DHRSX: variants seen among roughly 807,000 people sequenced by gnomAD.
The protein encoded by DHRSX is dehydrogenase/reductase X-linked.
In DHRSX, 31 loss-of-function variants were observed where a neutral mutation model predicts 34.0. That is an observed-to-expected ratio of 0.91 (90% CI 0.69 to 1.23). The LOEUF is 1.23. Among genes scored for constraint, DHRSX ranks in the 50% most tolerant of loss-of-function variants. The pLI, the probability that DHRSX is intolerant of heterozygous loss-of-function variation, is 0.00. For missense variants in DHRSX, 414 were observed against 428.1 expected (o/e 0.97, Z 0.29); for synonymous variants, 201 against 183.8 (o/e 1.09, Z -0.76).
intron 1 of DHRSX, among the ~76,000 whole-genome samples, chrX:2,496,587 C>A (rs2045290822): frequency 6.6e-6 from 1 of 152,128 alleles, no homozygotes; most frequent in Admixed American, 6.6e-5. Context: ...CACTAAAAAA[C>A]TTACTCATGG....
At chrX:2,361,046 T>C (rs1223102106) in intron 3 of DHRSX, among the ~76,000 whole-genome samples, 1 of 152,190 alleles carries the variant, frequency 6.6e-6, no homozygotes, top group African/African-American at 2.4e-5. Context: ...ACTGGCTGGC[T>C]GGAGCGTTGG....
intron 1 of DHRSX, among the ~76,000 whole-genome samples, chrX:2,457,969 G>C (rs1293991146): frequency 6.6e-6 from 1 of 151,592 alleles, no homozygotes; most frequent in African/African-American, 2.4e-5. Context: ...CTAAGCTTGT[G>C]GCTAAGGGAC....
At chrX:2,326,484 C>T (rs1439165558) in intron 3 of DHRSX, among the ~76,000 whole-genome samples, 1 of 152,130 alleles carries the variant, frequency 6.6e-6, no homozygotes, top group African/African-American at 2.4e-5. Context: ...GATCGCACCA[C>T]TGCACTCCAG....
intron 2 of DHRSX, among the ~76,000 whole-genome samples, chrX:2,411,864 C>T (rs2043634905): frequency 6.6e-6 from 1 of 152,106 alleles, no homozygotes; most frequent in Non-Finnish European, 1.5e-5. Flanking sequence ...TCAAAAAAAG[C>T]CAGGTGAAGT....
intron 3 of DHRSX, among the ~76,000 whole-genome samples, chrX:2,392,064 G>A (rs2043341460): frequency 6.6e-6 from 1 of 152,202 alleles, no homozygotes; most frequent in South Asian, 2.1e-4. Context: ...GGAAGGAGGA[G>A]GGAAAACGCT....
chrX:2,243,115 C>G lies in DHRSX; in HGVS notation c.712G>C (p.Val238Leu). The G allele has an allele frequency of 1.2e-6, 2 of 1,613,930 alleles. No homozygotes were observed. The highest frequency in any genetic ancestry group is 1.7e-6 in the Non-Finnish European group (2 of 1,179,864). Residue 238 changes from valine (V) to leucine (L), a missense_variant, in exon 6 of 7, where the codon GTG (valine) becomes CTG (leucine). Physicochemically the swap from Val to Leu is conservative, Grantham distance 32. Coordinates refer to ENST00000334651, the MANE Select transcript of DHRSX (RefSeq NM_145177.3). ...TCCGTGTTGACCACCCCGGGGTCCA[C>G]CACGTTGGCGGTCACGTGGCTTCCC... Reference protein sequence around the residue: ...AEGSHVTANVVDPGVVNTDVY... With the variant: ...AEGSHVTANVLDPGVVNTDVY...
At chrX:2,431,186 G>T (rs182282030) in intron 1 of DHRSX, among the ~76,000 whole-genome samples, 1 of 151,882 alleles carries the variant, frequency 6.6e-6, no homozygotes, top group African/African-American at 2.4e-5. Context: ...TTAGCCTGGC[G>T]TGGTGGCGGG....
chrX:2,459,323 AG>A (rs201552502), intron 1 of DHRSX, among the ~76,000 whole-genome samples: 4,317 of 152,100 alleles, frequency 0.028, 95 homozygotes, highest in Admixed American at 0.054. Flanking sequence ...GGTTAGAGTT[AG>A]GGTTATCTGA....
Position 2,338,667 on chromosome X carries a change from A to G in DHRSX, c.287-47064T>C, listed in dbSNP as rs773226519. Among the ~76,000 whole-genome samples the G allele has an allele frequency of 1.1e-4, 16 of 152,122 alleles. No homozygotes were observed. The East Asian group carries it at 2.7e-3, about 26-fold the overall frequency. ...GTCTCTTCGTGTGGTCTCTGTACACATACCAGCTCCCCTTCCCGTTCCACC... is the reference window on the plus strand; with the variant it reads ...GTCTCTTCGTGTGGTCTCTGTACACGTACCAGCTCCCCTTCCCGTTCCACC... On this transcript the variant is annotated intron_variant, in intron 3 of 6. Transcript: ENST00000334651.
At chrX:2,330,188 GC>G (rs1169972708) in intron 3 of DHRSX, among the ~76,000 whole-genome samples, 2 of 146,446 alleles carry the variant, frequency 1.4e-5, no homozygotes, top group Admixed American at 7.0e-5. Flanking sequence ...AGGAGGAGAA[GC>G]AGGAGGAGGG....
chrX:2,349,247 C>A (rs775911849), intron 3 of DHRSX, among the ~76,000 whole-genome samples: 1 of 152,008 alleles, frequency 6.6e-6, no homozygotes, highest in African/African-American at 2.4e-5. Context: ...GGAATGAACC[C>A]AAGCGTTCAA....
intron 6 of DHRSX, among the ~76,000 whole-genome samples, chrX:2,223,460 T>C (rs1282669035): frequency 2.0e-5 from 3 of 152,096 alleles, no homozygotes; most frequent in Non-Finnish European, 4.4e-5. Flanking sequence ...AACAGACTAA[T>C]AGAGAGACTG....
chrX:2,300,344 A>T (rs943394152), intron 3 of DHRSX, among the ~76,000 whole-genome samples: 10 of 152,166 alleles, frequency 6.6e-5, no homozygotes, highest in Non-Finnish European at 1.3e-4. Context: ...GTCCAGTAGG[A>T]CTGGTGTCCT....
chrX:2,346,576 T>G (rs2042715293), intron 3 of DHRSX, among the ~76,000 whole-genome samples: 1 of 152,012 alleles, frequency 6.6e-6, no homozygotes, highest in African/African-American at 2.4e-5. Flanking sequence ...CAAATCTAAG[T>G]AAACTACAAG....
chrX:2,349,247 C>G (rs775911849), intron 3 of DHRSX, among the ~76,000 whole-genome samples: 10 of 152,128 alleles, frequency 6.6e-5, no homozygotes, highest in Admixed American at 5.2e-4. Context: ...GGAATGAACC[C>G]AAGCGTTCAA....
In DHRSX at chrX:2,223,856, C is replaced by A. The variant is rs145751977; in HGVS notation, c.805-2627G>T. 3.2e-4 allele frequency among the ~76,000 whole-genome samples: 48 copies of A among 152,228 alleles called. 2 individuals carry two copies. In the East Asian group the frequency reaches 9.3e-3, roughly 29 times the overall value. On this transcript the variant is annotated intron_variant, in intron 6 of 6. Coordinates refer to ENST00000334651, the MANE Select transcript of DHRSX (RefSeq NM_145177.3). ...AATACGGAGTCTTTCTGGGGCCCAG[C>A]CCACTTCCATATAAAAGGCAGGGAC... is the stretch of plus-strand genomic sequence containing the variant.
At chrX:2,391,101 A>ACTG (rs1390588340) in intron 3 of DHRSX, among the ~76,000 whole-genome samples, 1 of 152,222 alleles carries the variant, frequency 6.6e-6, no homozygotes, top group African/African-American at 2.4e-5. Flanking sequence ...TGTAAGTAAT[A>ACTG]CTGCTGCTGC....
At chrX:2,396,046 G>C (rs756625367) in intron 3 of DHRSX, among the ~76,000 whole-genome samples, 1 of 152,104 alleles carries the variant, frequency 6.6e-6, no homozygotes, top group Admixed American at 6.5e-5. Flanking sequence ...TCAGGAAGGG[G>C]CCTCCCTGCC....
At chrX:2,310,538 G>A (rs1337698490) in intron 3 of DHRSX, among the ~76,000 whole-genome samples, 1 of 151,290 alleles carries the variant, frequency 6.6e-6, no homozygotes, top group African/African-American at 2.4e-5. Context: ...CTGTGTGTGT[G>A]TGTATATGTG....
Sources: gnomAD v4.1 joint callset for allele counts (sites outside exome capture counted in the v4.1 genomes callset) on GRCh38, gnomAD v4.1.1 for gene constraint, MANE v1.5 for transcripts, NCBI Gene and HGNC (gene_info 2026-07-23, HGNC 2026-07-21) for gene names.